The following EYS variants were observed in gnomAD, a reference collection of about 807,000 sequenced individuals.
EYS encodes the protein protein eyes shut homolog.
A neutral mutation model predicts 282.1 loss-of-function variants in EYS; 250 were observed. That is an observed-to-expected ratio of 0.89 (90% CI 0.80 to 0.98). The LOEUF (loss-of-function observed/expected upper bound fraction) is 0.98. Among genes scored for constraint, EYS ranks in the 50% least tolerant of loss-of-function variants. EYS has a pLI of 0.00. For missense variants in EYS, 4,016 were observed against 3,709.0 expected (o/e 1.08, Z -2.15); for synonymous variants, 1,355 against 1,282.9 (o/e 1.06, Z -1.20).
intron 26 of EYS, among the ~76,000 whole-genome samples, chr6:64,491,987 T>C (rs2150506337): frequency 1.3e-5 from 2 of 151,292 alleles, no homozygotes; most frequent in South Asian, 2.1e-4. Flanking sequence ...GCCTGGAATG[T>C]ACAGCACCCT....
intron 22 of EYS, among the ~76,000 whole-genome samples, chr6:64,777,008 G>T (rs915820856): frequency 1.2e-4 from 19 of 152,148 alleles, no homozygotes; most frequent in Non-Finnish European, 2.4e-4. Context: ...ATGACAGAAG[G>T]CACCTCTTCA....
chr6:64,374,783 G>A (rs1402142003), intron 29 of EYS, among the ~76,000 whole-genome samples: 3 of 152,176 alleles, frequency 2.0e-5, no homozygotes, highest in African/African-American at 7.2e-5. Flanking sequence ...CTGCCAAACG[G>A]TAAAGTAGTC....
chr6:64,986,463 G>A (rs1770860907), intron 14 of EYS, among the ~76,000 whole-genome samples: 1 of 149,322 alleles, frequency 6.7e-6, no homozygotes, highest in South Asian at 2.1e-4. Context: ...ATTATTGGAA[G>A]ATCCTTTAAG....
At chr6:64,149,899 G>A (rs918840856) in intron 31 of EYS, among the ~76,000 whole-genome samples, 4 of 152,190 alleles carry the variant, frequency 2.6e-5, no homozygotes, top group Non-Finnish European at 5.9e-5. Flanking sequence ...TTAATGCCCT[G>A]CCTTCATGGG....
intron 29 of EYS, 82 bp downstream of exon 29, chr6:64,388,608 G>GT: frequency 7.7e-7 from 1 of 1,299,792 alleles, no homozygotes; most frequent in Admixed American, 3.3e-5. Context: ...TATTTCTAAA[G>GT]TTTTTCTTTT....
chr6:65,664,515 G>T (rs1166437951), intron 1 of EYS, among the ~76,000 whole-genome samples: 2 of 152,154 alleles, frequency 1.3e-5, no homozygotes, highest in Non-Finnish European at 2.9e-5. Flanking sequence ...AAGAAGTATT[G>T]TCTAGAGGAG....
intron 41 of EYS, among the ~76,000 whole-genome samples, chr6:63,743,073 A>G (rs536779339): frequency 6.6e-6 from 1 of 152,136 alleles, no homozygotes; most frequent in African/African-American, 2.4e-5. Context: ...CGGCTATACC[A>G]TCTTACATTC....
At chr6:64,039,390 G>A (rs1770279225) in intron 33 of EYS, among the ~76,000 whole-genome samples, 1 of 152,114 alleles carries the variant, frequency 6.6e-6, no homozygotes. Flanking sequence ...CAAAGCAAGG[G>A]AATACATGTT....
intron 31 of EYS, among the ~76,000 whole-genome samples, chr6:64,160,563 A>C (rs1775072927): frequency 6.6e-6 from 1 of 152,202 alleles, no homozygotes; most frequent in Non-Finnish European, 1.5e-5. Flanking sequence ...CCTTAAAAAG[A>C]CAGCTATTAT....
intron 31 of EYS, among the ~76,000 whole-genome samples, chr6:64,120,204 A>G (rs1773532014): frequency 6.6e-6 from 1 of 151,174 alleles, no homozygotes; most frequent in African/African-American, 2.4e-5. Context: ...AAATTACAAA[A>G]AATTAGCCAG....
chr6:63,908,490 G>A (rs1022703133), intron 35 of EYS, among the ~76,000 whole-genome samples: 18 of 151,884 alleles, frequency 1.2e-4, no homozygotes, highest in African/African-American at 4.4e-4. Flanking sequence ...TCGTTCTATT[G>A]CCTAGGCTGG....
intron 30 of EYS, among the ~76,000 whole-genome samples, chr6:64,254,918 T>G (rs1172348026): frequency 6.6e-6 from 1 of 152,086 alleles, no homozygotes; most frequent in Non-Finnish European, 1.5e-5. Context: ...AAGGACGAAG[T>G]TTTGAAGACT....
At chr6:64,266,555 C>T (rs1317051764) in intron 30 of EYS, among the ~76,000 whole-genome samples, 2 of 152,012 alleles carry the variant, frequency 1.3e-5, no homozygotes, top group Admixed American at 6.6e-5. Flanking sequence ...GATTTAAGAC[C>T]TTATATACCA....
intron 7 of EYS, among the ~76,000 whole-genome samples, chr6:65,395,771 A>G (rs1018530041): frequency 6.6e-6 from 1 of 152,168 alleles, no homozygotes; most frequent in African/African-American, 2.4e-5. Flanking sequence ...TCAAGTATTT[A>G]CTATTTCTAT....
At chr6:64,830,944 C>T (rs552374099) in intron 19 of EYS, among the ~76,000 whole-genome samples, 7 of 152,090 alleles carry the variant, frequency 4.6e-5, no homozygotes, top group African/African-American at 1.7e-4. Flanking sequence ...AAGTTTGGGC[C>T]TCCCCTCTGC....
At chr6:64,934,911 G>A (rs1768854748) in intron 15 of EYS, among the ~76,000 whole-genome samples, 1 of 151,692 alleles carries the variant, frequency 6.6e-6, no homozygotes, top group Admixed American at 6.6e-5. Context: ...CTCTGTATAT[G>A]ATTTAAAAGA....
At chr6:64,286,359 C>T (rs1283219948) in intron 30 of EYS, among the ~76,000 whole-genome samples, 1 of 152,156 alleles carries the variant, frequency 6.6e-6, no homozygotes, top group Admixed American at 6.5e-5. Flanking sequence ...ACAATTAATA[C>T]AATGGTACCT....
At chr6:64,243,487 T>C (rs9344916) in intron 30 of EYS, among the ~76,000 whole-genome samples, 125 of 152,068 alleles carry the variant, frequency 8.2e-4, no homozygotes, top group African/African-American at 2.9e-3. Flanking sequence ...TGAGGTCCCC[T>C]TGGGTGTCAC....
At position 65,614,983 on chromosome 6, in the gene EYS, T is replaced by C. The variant is rs140452657; in HGVS notation, c.-333+24795A>G. Among the ~76,000 whole-genome samples the C allele has an allele frequency of 5.8e-4, 88 of 152,284 alleles. 2 individuals are homozygous for C. The highest frequency in any genetic ancestry group is 3.4e-3 in the Middle Eastern group (1 of 294). ...ATGAGAGGTATGTTCTCATTGTTCA[T>C]TATCTATTCAAAACCACTAGCTTAC... On this transcript the variant is annotated intron_variant, in intron 2 of 42. Transcript: ENST00000503581.
Sources: gnomAD v4.1 joint callset for allele counts (sites outside exome capture counted in the v4.1 genomes callset) on GRCh38, gnomAD v4.1.1 for gene constraint, MANE v1.5 for transcripts, NCBI Gene and HGNC (gene_info 2026-07-23, HGNC 2026-07-21) for gene names.